The following NOTCH2NLB variants were observed in gnomAD, a reference collection of about 807,000 sequenced individuals.
NOTCH2NLB encodes notch homolog 2 N-terminal-like protein B.
A neutral mutation model predicts 14.8 loss-of-function variants in NOTCH2NLB; 1 was observed. That is an observed-to-expected ratio of 0.07 (90% confidence interval 0.02 to 0.32). The LOEUF (loss-of-function observed/expected upper bound fraction) is 0.32. Among genes scored for constraint, NOTCH2NLB ranks in the 10% least tolerant of loss-of-function variants. The pLI is 1.00. For missense variants in NOTCH2NLB, 11 were observed against 155.0 expected (o/e 0.07, Z 4.93); for synonymous variants, 6 against 57.5 (o/e 0.10, Z 4.05).
At chr1:148,608,172 A>G (rs1663565415) in intron 3 of NOTCH2NLB, among the ~76,000 whole-genome samples, 1 of 135,668 alleles carries the variant, frequency 7.4e-6, no homozygotes, top group East Asian at 2.0e-4. Context: ...GCAGATCATG[A>G]GGTAAGGAGT....
chr1:148,651,162 A>AAAAAAT (rs1553341433), intron 1 of NOTCH2NLB, among the ~76,000 whole-genome samples: 4 of 46,030 alleles, frequency 8.7e-5, no homozygotes, highest in East Asian at 9.1e-4. Context: ...AAAAAAAAAA[A>AAAAAAT]ATATATATAT....
chr1:148,647,772 G>GA (rs1207318332), intron 1 of NOTCH2NLB, among the ~76,000 whole-genome samples: 30 of 19,966 alleles, frequency 1.5e-3, no homozygotes, highest in Non-Finnish European at 2.4e-3. Context: ...TGATTAAAAG[G>GA]AAAAAAAAAA....
At chr1:148,695,942 CCTT>C in the NOTCH2NLB span, among the ~76,000 whole-genome samples, 1 of 71,116 alleles carries the variant, frequency 1.4e-5, no homozygotes, top group Non-Finnish European at 3.1e-5. Context: ...GGTTCTCAGG[CCTT>C]CTGGCTTGGA....
At chr1:148,674,688 T>G (rs1664814835) in intron 1 of NOTCH2NLB, among the ~76,000 whole-genome samples, 1 of 91,498 alleles carries the variant, frequency 1.1e-5, no homozygotes, top group Non-Finnish European at 2.4e-5. Flanking sequence ...TTGGGGCACA[T>G]GCCAGACAAG....
At chr1:148,673,889 GA>G (rs1664802059) in intron 1 of NOTCH2NLB, among the ~76,000 whole-genome samples, 2 of 100,518 alleles carry the variant, frequency 2.0e-5, no homozygotes, top group Non-Finnish European at 4.4e-5. Context: ...GCTATTTCTT[GA>G]ACACACAAAT....
At chr1:148,649,589 C>A (rs1248527654) in intron 1 of NOTCH2NLB, among the ~76,000 whole-genome samples, 2 of 150,422 alleles carry the variant, frequency 1.3e-5, no homozygotes, top group East Asian at 3.9e-4. Flanking sequence ...CAGCTCACTG[C>A]AAGCTCCTCC....
intron 2 of NOTCH2NLB, among the ~76,000 whole-genome samples, chr1:148,633,292 G>A (rs1302107718): frequency 8.2e-6 from 1 of 122,538 alleles, no homozygotes; most frequent in Non-Finnish European, 1.6e-5. Flanking sequence ...GGTGGCTCAC[G>A]CCTGTAATCC....
chr1:148,631,217 GC>G (rs1664100115), intron 2 of NOTCH2NLB, among the ~76,000 whole-genome samples: 1 of 130,650 alleles, frequency 7.7e-6, no homozygotes, highest in East Asian at 2.2e-4. Flanking sequence ...TTACGTGAAG[GC>G]AAAAAACTGG....
At chr1:148,621,818 G>A (rs1401276709) in intron 2 of NOTCH2NLB, among the ~76,000 whole-genome samples, 1 of 114,664 alleles carries the variant, frequency 8.7e-6, no homozygotes, top group African/African-American at 4.1e-5. Flanking sequence ...TCAGTATAGG[G>A]TTATTTCCAG....
chr1:148,622,466 T>G (rs1663907051), intron 2 of NOTCH2NLB, among the ~76,000 whole-genome samples: 1 of 74,610 alleles, frequency 1.3e-5, no homozygotes, highest in Non-Finnish European at 2.4e-5. Context: ...TAGGCTATCC[T>G]GCCTCCCCAT....
chr1:148,670,187 G>A (rs1217457596), intron 1 of NOTCH2NLB, among the ~76,000 whole-genome samples: 3 of 95,048 alleles, frequency 3.2e-5, no homozygotes, highest in Non-Finnish European at 4.7e-5. Context: ...AACATTGGTA[G>A]CAATTTGATG....
At chr1:148,604,945 C>G (rs1264017198), downstream of NOTCH2NLB, among the ~76,000 whole-genome samples, 11,773 of 83,786 alleles carry the variant, frequency 0.14, 48 homozygotes, top group Middle Eastern at 0.21. Context: ...CTGCACAACG[C>G]CATATACACA....
chr1:148,637,235 A>T (rs1222453415), intron 2 of NOTCH2NLB, among the ~76,000 whole-genome samples: 2 of 143,310 alleles, frequency 1.4e-5, no homozygotes, highest in Non-Finnish European at 3.1e-5. Flanking sequence ...CGCCCAGCTA[A>T]TTTTTTGCAT....
At chr1:148,608,212 C>T (rs1663567096) in intron 3 of NOTCH2NLB, among the ~76,000 whole-genome samples, 1 of 135,942 alleles carries the variant, frequency 7.4e-6, no homozygotes. Context: ...TATGGTGAAA[C>T]CCTGTCTCTA....
At chr1:148,651,162 A>AAAAAAAAAAAT (rs1553341433) in intron 1 of NOTCH2NLB, among the ~76,000 whole-genome samples, 1 of 46,040 alleles carries the variant, frequency 2.2e-5, no homozygotes, top group Non-Finnish European at 4.2e-5. Flanking sequence ...AAAAAAAAAA[A>AAAAAAAAAAAT]ATATATATAT....
intron 1 of NOTCH2NLB, among the ~76,000 whole-genome samples, chr1:148,651,144 G>GGGGA (rs1225742292): frequency 1.3e-5 from 1 of 76,500 alleles, no homozygotes; most frequent in African/African-American, 5.5e-5. Context: ...CTCTGCCTGA[G>GGGGA]AAAAAAAAAA....
chr1:148,637,894 C>T (rs1343566749), intron 2 of NOTCH2NLB, among the ~76,000 whole-genome samples: 1 of 148,606 alleles, frequency 6.7e-6, no homozygotes, highest in Non-Finnish European at 1.5e-5. Flanking sequence ...CTTCCAGTTT[C>T]ATCCATGTCC....
At chr1:148,670,194 G>T (rs1664727936) in intron 1 of NOTCH2NLB, among the ~76,000 whole-genome samples, 2 of 93,854 alleles carry the variant, frequency 2.1e-5, no homozygotes, top group Non-Finnish European at 2.4e-5. Context: ...GTAGCAATTT[G>T]ATGTTGTTAT....
chr1:148,684,528 TA>T (rs1366259799), upstream of NOTCH2NLB, among the ~76,000 whole-genome samples: 19 of 134,916 alleles, frequency 1.4e-4, 1 homozygote, highest in Admixed American at 2.9e-4. Context: ...GTTTCCTTTA[TA>T]AATTACCCAG....
Sources: gnomAD v4.1 joint callset for allele counts (sites outside exome capture counted in the v4.1 genomes callset) on GRCh38, gnomAD v4.1.1 for gene constraint, MANE v1.5 for transcripts, NCBI Gene and HGNC (gene_info 2026-07-23, HGNC 2026-07-21) for gene names.